The following POLR2M variants were observed in gnomAD, a reference collection of about 807,000 sequenced individuals.
POLR2M encodes RNA polymerase II subunit M.
POLR2M carries 30 observed loss-of-function variants against 34.6 expected under a neutral mutation model. The observed-to-expected ratio is 0.87, with a 90% CI of 0.65 to 1.18. The LOEUF (loss-of-function observed/expected upper bound fraction) is 1.18. POLR2M is among the 50% of genes most tolerant of loss of function. The pLI is 0.00. For missense variants in POLR2M, 432 were observed against 448.7 expected (o/e 0.96, Z 0.34); for synonymous variants, 150 against 166.7 (o/e 0.90, Z 0.77).
chr15:57,708,682 G>T, intron 1 of POLR2M, 32 bp from the exon 2 acceptor site: 2 of 1,514,970 alleles, frequency 1.3e-6, no homozygotes, highest in Non-Finnish European at 1.8e-6. Flanking sequence ...AAAAATGGCT[G>T]TAATGTAATA....
At chr15:57,712,896 C>T (rs562180323) in intron 3 of POLR2M, among the ~76,000 whole-genome samples, 1 of 152,238 alleles carries the variant, frequency 6.6e-6, no homozygotes, top group East Asian at 1.9e-4. Flanking sequence ...ATTTTAGCCT[C>T]CAGGAGAACA....
chr15:57,709,328 T>G lies in POLR2M; in HGVS notation c.728T>G (p.Val243Gly), dbSNP rs747151947. The stretch of plus-strand genomic sequence containing the variant: ...CTAGAAATGCGAGCCAAAAACCCAG[T>G]GCCCCAGCTGCGTAAATTTAAAACC... Reference protein sequence around the residue: ...EVLEMRAKNPVPQLRKFKTNV... With the variant: ...EVLEMRAKNPGPQLRKFKTNV... Residue 243 changes from valine (V) to glycine (G), a missense_variant, in exon 2 of 4, where the codon GTG becomes GGG. By Grantham distance (109) the Val-to-Gly change is moderately radical (BLOSUM62 -3). Coordinates refer to ENST00000299638, the MANE Select transcript of POLR2M (RefSeq NM_015532.5). 4.3e-6 allele frequency: 7 copies of G among 1,613,364 alleles called. No homozygotes were observed. Among genetic ancestry groups the G allele is most frequent in the Non-Finnish European group, 5.1e-6 (6 of 1,179,730 alleles).
chr15:57,706,839 C>G lies in POLR2M; in HGVS notation c.-4C>G. On this transcript the variant is annotated 5_prime_UTR_variant, in exon 1 of 4. Transcript: ENST00000299638. ...GCCGCCGCGCCAGCCTCAGCCCGCG[C>G]AGAATGTGCTCGCTGCCCCGCGGCT... 7 of 1,561,652 alleles carry G rather than the reference C, an allele frequency of 4.5e-6. No individual in the cohort carries two copies. The highest frequency in any genetic ancestry group is 6.1e-6 in the Non-Finnish European group (7 of 1,152,002).
At chr15:57,713,863 A>T in intron 3 of POLR2M, among the ~76,000 whole-genome samples, 1 of 68,952 alleles carries the variant, frequency 1.5e-5, no homozygotes, top group Non-Finnish European at 2.5e-5. Context: ...TTTTTTTGAG[A>T]CGGAGTCTTG....
intron 1 of POLR2M, chr15:57,707,163 G>T (rs1419723892): frequency 2.0e-6 from 3 of 1,506,288 alleles, no homozygotes; most frequent in East Asian, 2.5e-5. Flanking sequence ...TGCGAGGATA[G>T]CTCGGATTGA....
In POLR2M at chr15:57,712,161, TCAGAAACAG is replaced by T. The variant is rs2040751720; in HGVS notation, c.946_954del (p.Gln316_Gln318del). ...TCTCCATAGAAGAATCCTTGGCACT[TCAGAAACAG>T]CAGAAACAGAATTATGAGGTATTTA... On this transcript the variant is annotated inframe_deletion, in exon 3 of 4. Coordinates refer to ENST00000299638, the MANE Select transcript of POLR2M (RefSeq NM_015532.5). The T allele has an allele frequency of 6.2e-7, 1 of 1,614,100 alleles. No individual in the cohort carries two copies. Among genetic ancestry groups the T allele is most frequent in the African/African-American group, 1.3e-5 (1 of 74,922 alleles).
rs2040832413 is a variant in POLR2M at position 57,713,817 on chromosome 15, CTTCTTTTTT to C, written c.964-716_964-708del. 5.4e-5 allele frequency among the ~76,000 whole-genome samples: 6 copies of C among 111,684 alleles called. No homozygotes were observed. The South Asian group carries it at 9.5e-4, about 18-fold the overall frequency. The allele number at this position is 111,684 out of a possible 152,430, so 73.3% of individuals were successfully genotyped here. ...TGTAGAAATCTAGACAGCATTAGTC[CTTCTTTTTT>C]TTTTTTTTTTTTTTTTTTTTTTTTT... On this transcript the variant is annotated intron_variant, in intron 3 of 3. Coordinates refer to ENST00000299638, the MANE Select transcript of POLR2M (RefSeq NM_015532.5).
chr15:57,707,055 G>T, intron 1 of POLR2M, 100 bp downstream of exon 1: 1 of 1,551,678 alleles, frequency 6.4e-7, no homozygotes, highest in Non-Finnish European at 8.7e-7. Context: ...CCTGGAAGGT[G>T]ACTTTGACTC....
chr15:57,709,294 A>T lies in POLR2M; in HGVS notation c.694A>T (p.Met232Leu), dbSNP rs373669133. The T allele has an allele frequency of 2.8e-5, 45 of 1,614,072 alleles. No individual in the cohort carries two copies. The highest frequency in any genetic ancestry group is 3.7e-5 in the Non-Finnish European group (44 of 1,180,036). The change falls in exon 2 of 4, where the codon ATG (methionine) becomes TTG (leucine). Residue 232 changes from methionine (M) to leucine (L), a missense_variant. Met to Leu is a conservative substitution (Grantham distance 15, BLOSUM62 2). Transcript: ENST00000299638. ...SSGTEKKPHY[M>L]EVLEMRAKNP... ...TGGGACTGAGAAGAAACCTCATTAC[A>T]TGGAAGTGCTAGAAATGCGAGCCAA...
intron 2 of POLR2M, among the ~76,000 whole-genome samples, chr15:57,710,788 A>C (rs2040677150): frequency 1.3e-5 from 2 of 152,234 alleles, no homozygotes; most frequent in African/African-American, 4.8e-5. Flanking sequence ...AGAGGAGAAC[A>C]GGAAAGGCAG....
At position 57,712,078 on chromosome 15, in the gene POLR2M, C is replaced by T. The variant is rs974575882; in HGVS notation, c.853C>T (p.Leu285Phe). ...GCGGCGGCGCAGGGATAAGCAGCAT[C>T]TTGATGACATCACAGCAGCTCGGCT... ...EERRRRDKQH[L>F]DDITAARLLP... Residue 285 changes from leucine (L) to phenylalanine (F), a missense_variant, in exon 3 of 4, where the codon CTT (leucine) becomes TTT (phenylalanine). By Grantham distance (22) the Leu-to-Phe change is conservative (BLOSUM62 0). Transcript: ENST00000299638. The T allele has an allele frequency of 6.2e-7, 1 of 1,614,012 alleles. No homozygotes were observed. The highest frequency in any genetic ancestry group is 8.5e-7 in the Non-Finnish European group (1 of 1,180,026).
At chr15:57,711,416 C>G (rs1316003941) in intron 2 of POLR2M, among the ~76,000 whole-genome samples, 1 of 152,194 alleles carries the variant, frequency 6.6e-6, no homozygotes, top group African/African-American at 2.4e-5. Context: ...TAGGCTACTT[C>G]CCAGCCCTCT....
In POLR2M at chr15:57,716,814, T is replaced by C. The variant is rs1441216524; in HGVS notation, c.*2135T>C. 1 of 152,228 alleles carries C rather than the reference T, an allele frequency of 6.6e-6. No individual in the cohort carries two copies. The highest frequency in any genetic ancestry group is 1.9e-4 in the East Asian group (1 of 5,208). 9.4% of individuals were successfully genotyped at this position (152,228 alleles called of 1,614,324 possible). A position where few individuals can be genotyped will look rare whatever the true frequency, so the allele number is the denominator to read the frequency against. ...TTTAACATAGTTTGTGGTATTTCAG[T>C]ATAGAAGTTGTTTTCTTTAGGAGTC... is the stretch of plus-strand genomic sequence containing the variant. On this transcript the variant is annotated 3_prime_UTR_variant, in exon 4 of 4. Transcript: ENST00000299638.
At chr15:57,711,504 G>A (rs992493649) in intron 2 of POLR2M, among the ~76,000 whole-genome samples, 3 of 152,146 alleles carry the variant, frequency 2.0e-5, no homozygotes, top group Non-Finnish European at 2.9e-5. Context: ...CCCTTGCTGG[G>A]ATGCACTTCT....
At chr15:57,713,669 A>G (rs953693142) in intron 3 of POLR2M, among the ~76,000 whole-genome samples, 2 of 152,054 alleles carry the variant, frequency 1.3e-5, no homozygotes, top group Non-Finnish European at 1.5e-5. Context: ...TTGCTGTAGG[A>G]CTTTATTTGG....
intron 2 of POLR2M, among the ~76,000 whole-genome samples, chr15:57,710,771 A>T (rs16977641): frequency 6.6e-6 from 1 of 152,222 alleles, no homozygotes; most frequent in Admixed American, 6.5e-5. Context: ...AGCCTCCTGT[A>T]TAAGTTAGAG....
intron 2 of POLR2M, 33 bp from the exon 3 acceptor site, chr15:57,711,951 C>A (rs748717575): frequency 1.9e-6 from 3 of 1,610,508 alleles, no homozygotes; most frequent in South Asian, 1.1e-5. Flanking sequence ...ATAAAATAAT[C>A]TGATTGTATA....
At chr15:57,712,668 G>T (rs2040780016) in intron 3 of POLR2M, among the ~76,000 whole-genome samples, 1 of 152,198 alleles carries the variant, frequency 6.6e-6, no homozygotes, top group African/African-American at 2.4e-5. Flanking sequence ...CAGACAGTGA[G>T]ACACTGCTTT....
At chr15:57,710,717 A>C (rs2040674227) in intron 2 of POLR2M, among the ~76,000 whole-genome samples, 2 of 152,212 alleles carry the variant, frequency 1.3e-5, no homozygotes, top group African/African-American at 4.8e-5. Flanking sequence ...GTAAGGGAAT[A>C]GTGAAGAGGG....
Sources: gnomAD v4.1 joint callset for allele counts (sites outside exome capture counted in the v4.1 genomes callset) on GRCh38, gnomAD v4.1.1 for gene constraint, MANE v1.5 for transcripts, NCBI Gene and HGNC (gene_info 2026-07-23, HGNC 2026-07-21) for gene names.